ACSL5: variants seen among roughly 807,000 people sequenced by gnomAD.
The protein encoded by ACSL5 is long-chain-fatty-acid--CoA ligase 5.
A neutral mutation model predicts 84.9 loss-of-function variants in ACSL5; 50 were observed. The observed-to-expected ratio is 0.59, with a 90% CI of 0.47 to 0.75. The LOEUF (loss-of-function observed/expected upper bound fraction) is 0.75. Among genes scored for constraint, ACSL5 ranks in the 30% least tolerant of loss-of-function variants. ACSL5 has a pLI of 0.00. For synonymous variants in ACSL5, 280 were observed against 300.7 expected (o/e 0.93, Z 0.71); for missense variants, 775 against 830.4 (o/e 0.93, Z 0.82).
intron 3 of ACSL5, among the ~76,000 whole-genome samples, chr10:112,402,010 GGCTGGAGT>G (rs1328619943): frequency 1.3e-5 from 2 of 149,934 alleles, no homozygotes; most frequent in Non-Finnish European, 3.0e-5. Context: ...CTGTTGCCCA[GGCTGGAGT>G]GCAGTGGCAC....
chr10:112,397,610 A>G (rs911223178), intron 2 of ACSL5, among the ~76,000 whole-genome samples: 18 of 151,988 alleles, frequency 1.2e-4, no homozygotes, highest in African/African-American at 4.1e-4. Flanking sequence ...TACCCAAATC[A>G]TATCTTTTGC....
Position 112,417,902 on chromosome 10 carries a change from T to C in ACSL5, c.1275T>C (p.Thr425=), listed in dbSNP as rs1844356865. 2 of 1,613,534 alleles carry C rather than the reference T, an allele frequency of 1.2e-6. No homozygotes were observed. The highest frequency in any genetic ancestry group is 1.7e-6 in the Non-Finnish European group (2 of 1,179,850). ...VIVTGAAPMS[T]SVMTFFRAAM... is the part of the protein sequence containing the mutation. ...TCACTGGAGCTGCCCCCATGTCCAC[T>C]TCAGTCATGACATTCTTCCGGGCAG... The change falls in exon 14 of 21, where the codon ACT becomes ACC. Residue 425 remains threonine (T), a synonymous_variant. Coordinates refer to ENST00000354655, the MANE Select transcript of ACSL5 (RefSeq NM_203379.2).
intron 2 of ACSL5, 145 bp from the exon 3 acceptor site, chr10:112,398,756 A>G: frequency 3.0e-6 from 2 of 669,406 alleles, no homozygotes; most frequent in East Asian, 2.7e-5. Context: ...TGATTTGGGG[A>G]TTTTTAAAAA....
rs1433330228 is a variant in ACSL5, at chr10:112,417,222, G to A, written c.1218+200G>A. On this transcript the variant is annotated intron_variant, in intron 13 of 20. Transcript: ENST00000354655. ...GGTTTAAAAAAAAAAAAAAAAGCAGGCTGAGTGTGGTGGCTCACACCTGTA... is the reference window on the plus strand; with the variant it reads ...GGTTTAAAAAAAAAAAAAAAAGCAGACTGAGTGTGGTGGCTCACACCTGTA... Among the ~76,000 whole-genome samples the A allele has an allele frequency of 3.2e-4, 9 of 28,300 alleles. No homozygotes were observed. In the East Asian group the frequency reaches 0.014, roughly 45 times the overall value. 18.6% of individuals were successfully genotyped at this position (28,300 alleles called of 152,430 possible).
At chr10:112,420,746 C>G (rs1178701543) in intron 14 of ACSL5, among the ~76,000 whole-genome samples, 2 of 150,298 alleles carry the variant, frequency 1.3e-5, no homozygotes, top group African/African-American at 4.9e-5. Flanking sequence ...GAGATGTAGT[C>G]TCGCTCACTG....
In ACSL5 at chr10:112,425,327, G is replaced by A; in HGVS notation, c.1594-11G>A. On this transcript the variant is annotated splice_polypyrimidine_tract_variant and intron_variant, in intron 17 of 20. Coordinates refer to ENST00000354655, the MANE Select transcript of ACSL5 (RefSeq NM_203379.2). Reference sequence around the variant, plus strand: ...CTCAAAAATACTGATACTTTTATCTGTCTCATGTAGAATGGAACTCTGAAG... The same window carrying A: ...CTCAAAAATACTGATACTTTTATCTATCTCATGTAGAATGGAACTCTGAAG... 1.2e-6 allele frequency: 2 copies of A among 1,603,158 alleles called. No homozygotes were observed. The highest frequency in any genetic ancestry group is 1.7e-6 in the Non-Finnish European group (2 of 1,175,072).
In ACSL5 at chr10:112,409,522, T is replaced by C. The variant is rs1844129379; in HGVS notation, c.548T>C (p.Val183Ala). The change falls in exon 7 of 21, where the codon GTG (valine) becomes GCG (alanine). Residue 183 changes from valine to alanine, a missense_variant. By Grantham distance (64) the Val-to-Ala change is moderately conservative. Coordinates refer to ENST00000354655, the MANE Select transcript of ACSL5 (RefSeq NM_203379.2). ...HIVNKADIAMVICDTPQKALV... is the reference protein window; with the variant it reads ...HIVNKADIAMAICDTPQKALV... ...TGGCTTCCAGCTGATATCGCCATGG[T>C]GATCTGTGACACACCCCAAAAGGCA... The C allele has an allele frequency of 6.2e-7, 1 of 1,613,276 alleles. No individual in the cohort carries two copies. The highest frequency in any genetic ancestry group is 1.3e-5 in the African/African-American group (1 of 74,888).
chr10:112,409,481 A>C (rs1432168435), intron 6 of ACSL5, 26 bp from the exon 7 acceptor site: 10 of 1,608,566 alleles, frequency 6.2e-6, no homozygotes, highest in Non-Finnish European at 7.6e-6. Context: ...AGAGGGAATG[A>C]CCTCTGGTTC....
chr10:112,397,858 A>G (rs570666904), intron 2 of ACSL5, among the ~76,000 whole-genome samples: 171 of 152,340 alleles, frequency 1.1e-3, no homozygotes, highest in Middle Eastern at 6.8e-3. Flanking sequence ...TCACATCTAC[A>G]GTATGTACAG....
At chr10:112,401,774 TTTTC>T (rs1398045681) in intron 3 of ACSL5, among the ~76,000 whole-genome samples, 9 of 150,064 alleles carry the variant, frequency 6.0e-5, no homozygotes, top group African/African-American at 1.5e-4. Flanking sequence ...CTTTCTTTCT[TTTTC>T]TTTCTTTCTC....
chr10:112,388,759 T>A (rs1188583946), intron 1 of ACSL5, among the ~76,000 whole-genome samples: 1 of 152,152 alleles, frequency 6.6e-6, no homozygotes, highest in African/African-American at 2.4e-5. Flanking sequence ...TGACACTGAC[T>A]GGAAAGGTAA....
At chr10:112,390,236 T>G (rs1391872278) in intron 1 of ACSL5, among the ~76,000 whole-genome samples, 2 of 152,106 alleles carry the variant, frequency 1.3e-5, no homozygotes, top group Non-Finnish European at 2.9e-5. Flanking sequence ...GAGTAGACAT[T>G]TCTTCAAAAA....
At chr10:112,394,851 T>C in intron 1 of ACSL5, 67 bp from the exon 2 acceptor site, 4 of 1,568,182 alleles carry the variant, frequency 2.6e-6, no homozygotes, top group Admixed American at 3.5e-5. Context: ...TCTGAAAACA[T>C]AGAGCTATTG....
In ACSL5 at chr10:112,395,013, T is replaced by G; in HGVS notation, c.67T>G (p.Phe23Val). 1 of 1,614,076 alleles carries G rather than the reference T, an allele frequency of 6.2e-7. No homozygotes were observed. The highest frequency in any genetic ancestry group is 8.5e-7 in the Non-Finnish European group (1 of 1,180,016). The change falls in exon 2 of 21, where the codon TTT (phenylalanine) becomes GTT (valine). Residue 23 changes from phenylalanine to valine, a missense_variant. By Grantham distance (50) the Phe-to-Val change is conservative (BLOSUM62 -1). Transcript: ENST00000354655. The part of the protein sequence containing the change: ...PTPALICILT[F>V]GAAIFLWLIT... ...CCCGGCGTTGATCTGCATCCTGACA[T>G]TTGGAGCTGCCATCTTCTTGTGGCT...
At chr10:112,392,182 C>G (rs369638002) in intron 1 of ACSL5, among the ~76,000 whole-genome samples, 5 of 152,174 alleles carry the variant, frequency 3.3e-5, no homozygotes, top group East Asian at 1.9e-4. Flanking sequence ...TAAAATATCA[C>G]CAGCTTGGGG....
intron 2 of ACSL5, among the ~76,000 whole-genome samples, chr10:112,397,862 T>C (rs1487717195): frequency 6.6e-6 from 1 of 152,190 alleles, no homozygotes; most frequent in Non-Finnish European, 1.5e-5. Flanking sequence ...ATCTACAGTA[T>C]GTACAGAGTA....
intron 11 of ACSL5, chr10:112,412,587 A>T (rs1589692361): frequency 6.5e-6 from 1 of 152,784 alleles, no homozygotes; most frequent in East Asian, 1.9e-4. Flanking sequence ...GTGTGGTTGG[A>T]AAGTTCTCTC....
At chr10:112,425,097 A>G (rs981059128) in intron 17 of ACSL5, 2 of 319,376 alleles carry the variant, frequency 6.3e-6, no homozygotes, top group African/African-American at 2.1e-5. Flanking sequence ...CAGTAGATCC[A>G]GGAGACTTTC....
chr10:112,393,720 C>T (rs1475722399), intron 1 of ACSL5, among the ~76,000 whole-genome samples: 2 of 152,168 alleles, frequency 1.3e-5, no homozygotes, highest in Admixed American at 6.5e-5. Context: ...TTTGCTGTCA[C>T]CTGGAAGGTG....
Sources: allele counts gnomAD v4.1 joint callset (sites outside exome capture counted in the v4.1 genomes callset), GRCh38; gene constraint gnomAD v4.1.1; transcripts MANE v1.5; gene names NCBI Gene and HGNC (gene_info 2026-07-23, HGNC 2026-07-21).